ARL15: variants seen among roughly 807,000 people sequenced by gnomAD.
ARL15 encodes the protein ARF like GTPase 15.
In ARL15, 19 loss-of-function variants were observed where a neutral mutation model predicts 25.2. The ratio of observed to expected loss-of-function variants is 0.75; its 90% confidence interval spans 0.53 to 1.10. ARL15 has a LOEUF of 1.10. Ranked by LOEUF, ARL15 falls within the 50% of genes least tolerant of loss-of-function variation. The pLI, the probability that ARL15 is intolerant of heterozygous loss-of-function variation, is 0.00. For missense variants in ARL15, 220 were observed against 246.0 expected (o/e 0.89, Z 0.71); for synonymous variants, 94 against 86.8 (o/e 1.08, Z -0.46).
chr5:54,044,392 C>T (rs982528795), intron 4 of ARL15, among the ~76,000 whole-genome samples: 63 of 152,002 alleles, frequency 4.1e-4, no homozygotes, highest in African/African-American at 1.4e-3. Flanking sequence ...TACAGGCTCT[C>T]ACCACCACGC....
chr5:54,213,914 T>C, intron 1 of ARL15, among the ~76,000 whole-genome samples: 1 of 152,228 alleles, frequency 6.6e-6, no homozygotes, highest in East Asian at 1.9e-4. Context: ...TTTTGAGATT[T>C]AATTTAGTTG....
chr5:53,890,242 T>C (rs2111892694), intron 4 of ARL15, among the ~76,000 whole-genome samples: 2 of 152,350 alleles, frequency 1.3e-5, no homozygotes, highest in South Asian at 4.1e-4. Flanking sequence ...TTTGTATATG[T>C]TGATGTACAG....
intron 3 of ARL15, among the ~76,000 whole-genome samples, chr5:54,147,731 G>T (rs1426844487): frequency 6.6e-6 from 1 of 152,138 alleles, no homozygotes; most frequent in African/African-American, 2.4e-5. Context: ...CGAATAGCAA[G>T]TTGCTTTCTC....
intron 3 of ARL15, among the ~76,000 whole-genome samples, chr5:54,123,044 G>C (rs1017255738): frequency 6.6e-6 from 1 of 151,822 alleles, no homozygotes; most frequent in African/African-American, 2.4e-5. Context: ...TCGATTCGAG[G>C]ACAAGAAGTC....
At chr5:54,108,062 T>C (rs946393967) in intron 4 of ARL15, among the ~76,000 whole-genome samples, 1 of 152,124 alleles carries the variant, frequency 6.6e-6, no homozygotes, top group Non-Finnish European at 1.5e-5. Flanking sequence ...ATAAATAAAA[T>C]ATTCTGGCTG....
At chr5:54,089,954 A>G (rs72750251) in intron 4 of ARL15, among the ~76,000 whole-genome samples, 16,109 of 152,228 alleles carry the variant, frequency 0.11, 1,013 homozygotes, top group Non-Finnish European at 0.15. Context: ...CCCAGATAAT[A>G]CCATATACTG....
At chr5:54,084,212 G>C (rs1179122765) in intron 4 of ARL15, among the ~76,000 whole-genome samples, 1 of 152,174 alleles carries the variant, frequency 6.6e-6, no homozygotes, top group Non-Finnish European at 1.5e-5. Flanking sequence ...CTCTCAGCCT[G>C]TGTAACCAAA....
At chr5:54,090,931 C>A (rs1297738065) in intron 4 of ARL15, among the ~76,000 whole-genome samples, 1 of 144,946 alleles carries the variant, frequency 6.9e-6, no homozygotes, top group Admixed American at 7.3e-5. Flanking sequence ...TCATTTGTCA[C>A]AATACAGATG....
chr5:54,091,299 T>C (rs1447386462), intron 4 of ARL15, among the ~76,000 whole-genome samples: 2 of 152,220 alleles, frequency 1.3e-5, no homozygotes, highest in African/African-American at 2.4e-5. Flanking sequence ...AATGTTTTCA[T>C]AACCTATGTT....
At chr5:53,902,482 A>G (rs780675303) in intron 4 of ARL15, among the ~76,000 whole-genome samples, 49 of 152,234 alleles carry the variant, frequency 3.2e-4, no homozygotes, top group Non-Finnish European at 6.8e-4. Flanking sequence ...TTGTAATGGA[A>G]TATATGTCCC....
chr5:54,065,559 C>CGGAGGCTGAGGCAGGAGAATCACT (rs1365847856), intron 4 of ARL15, among the ~76,000 whole-genome samples: 3 of 90,154 alleles, frequency 3.3e-5, no homozygotes, highest in Non-Finnish European at 6.1e-5. Context: ...CCAGCTACTC[C>CGGAGGCTGAGGCAGGAGAATCACT]GGAGGCTGAG....
intron 4 of ARL15, among the ~76,000 whole-genome samples, chr5:53,936,040 G>A (rs1400823566): frequency 6.6e-6 from 1 of 151,976 alleles, no homozygotes; most frequent in East Asian, 1.9e-4. Flanking sequence ...TGGCCATCGT[G>A]CCCGGCCTCT....
chr5:53,954,908 C>T (rs931114067), intron 4 of ARL15, among the ~76,000 whole-genome samples: 6 of 151,924 alleles, frequency 3.9e-5, no homozygotes, highest in African/African-American at 1.2e-4. Flanking sequence ...ACCAGCTCTT[C>T]GGTAACATAT....
At chr5:53,982,329 T>A (rs1217594795) in intron 4 of ARL15, among the ~76,000 whole-genome samples, 4 of 145,228 alleles carry the variant, frequency 2.8e-5, no homozygotes, top group Non-Finnish European at 6.0e-5. Context: ...ATGCTACACC[T>A]CCCCTACCCC....
At chr5:54,064,744 C>T in intron 4 of ARL15, among the ~76,000 whole-genome samples, 1 of 147,754 alleles carries the variant, frequency 6.8e-6, no homozygotes, top group Non-Finnish European at 1.5e-5. Flanking sequence ...AAAAAAAAAA[C>T]ATTTACTTAG....
intron 4 of ARL15, among the ~76,000 whole-genome samples, chr5:54,107,219 G>A (rs553280251): frequency 1.3e-5 from 2 of 152,210 alleles, no homozygotes; most frequent in South Asian, 2.1e-4. Flanking sequence ...TGGCCCCCAC[G>A]ATTCAATTGC....
Position 53,912,532 on chromosome 5 carries a change from T to C in ARL15, c.463-25819A>G, listed in dbSNP as rs576572577. Among the ~76,000 whole-genome samples, 46 of 152,308 alleles carry C rather than the reference T, an allele frequency of 3.0e-4. 1 individual carries two copies. In the South Asian group the frequency reaches 3.9e-3, roughly 13 times the overall value. Reference sequence around the variant, plus strand: ...CATCAGCAGCTACTCCTTGAGAGTATTGCAAGTAGAACAAAGCATTTCAAA... The same window carrying C: ...CATCAGCAGCTACTCCTTGAGAGTACTGCAAGTAGAACAAAGCATTTCAAA... On this transcript the variant is annotated intron_variant, in intron 4 of 4. Coordinates refer to ENST00000504924, the MANE Select transcript of ARL15 (RefSeq NM_019087.3).
At chr5:54,126,819 AATTTTTGT>A (rs1459249594) in intron 3 of ARL15, among the ~76,000 whole-genome samples, 1 of 151,726 alleles carries the variant, frequency 6.6e-6, no homozygotes, top group African/African-American at 2.4e-5. Flanking sequence ...TCTTTTTTTA[AATTTTTGT>A]ATTTTTTTAA....
intron 3 of ARL15, among the ~76,000 whole-genome samples, chr5:54,115,080 A>G (rs1195266624): frequency 6.6e-6 from 1 of 152,198 alleles, no homozygotes; most frequent in Non-Finnish European, 1.5e-5. Context: ...CTTGAAATCA[A>G]TCAGGGTGAA....
Sources: allele counts gnomAD v4.1 joint callset (sites outside exome capture counted in the v4.1 genomes callset), GRCh38; gene constraint gnomAD v4.1.1; transcripts MANE v1.5; gene names NCBI Gene and HGNC (gene_info 2026-07-23, HGNC 2026-07-21).